Variants in RAB37 observed in about 807,000 individuals in gnomAD.
RAB37 encodes RAB37, member RAS oncogene family.
Under a neutral mutation model 33.1 loss-of-function variants are expected in RAB37, and 29 were observed. That is an observed-to-expected ratio of 0.88 (90% CI 0.65 to 1.20). The LOEUF is 1.20. Ranked by LOEUF, RAB37 falls within the 50% of genes most tolerant of loss-of-function variation. The probability of loss-of-function intolerance (pLI) is 0.00; values close to 1 mark genes in which losing one functional copy is unlikely to be tolerated. For missense variants in RAB37, 299 were observed against 301.1 expected, an observed-to-expected ratio of 0.99 and a Z score of 0.05; for synonymous variants, 128 against 119.5, an observed-to-expected ratio of 1.07 and a Z score of -0.47.
At chr17:74,699,325 G>C (rs2032819938) in intron 1 of RAB37, among the ~76,000 whole-genome samples, 1 of 152,072 alleles carries the variant, frequency 6.6e-6, no homozygotes, top group South Asian at 2.1e-4. Flanking sequence ...AACACCTCCT[G>C]CCTCTACACC....
At chr17:74,711,444 T>TA (rs774857219) in intron 1 of RAB37, among the ~76,000 whole-genome samples, 89 of 152,330 alleles carry the variant, frequency 5.8e-4, no homozygotes, top group Non-Finnish European at 5.3e-4. Context: ...CTTCTCCACT[T>TA]ACATGCTGAA....
intron 1 of RAB37, among the ~76,000 whole-genome samples, chr17:74,692,713 C>T (rs1195458863): frequency 6.6e-6 from 1 of 152,106 alleles, no homozygotes; most frequent in Non-Finnish European, 1.5e-5. Flanking sequence ...GACATCGTAG[C>T]CCCTCATCTC....
chr17:74,714,429 ACACACG>A (rs1377120979), intron 1 of RAB37, among the ~76,000 whole-genome samples: 2 of 151,152 alleles, frequency 1.3e-5, no homozygotes, highest in Non-Finnish European at 2.9e-5. Context: ...ACACACACAC[ACACACG>A]CACGCACAGA....
Position 74,743,191 on chromosome 17 carries a change from T to C in RAB37, c.309T>C (p.Ala103=), listed in dbSNP as rs1322870356. Reference sequence around the variant, plus strand: ...TCACCCATGCTTATTACAGAGATGCTCAGGGTGAGTCCCTCGCACCCTCCA... The same window carrying C: ...TCACCCATGCTTATTACAGAGATGCCCAGGGTGAGTCCCTCGCACCCTCCA... ...RSVTHAYYRD[A]QALLLLYDIT... is the part of the protein sequence containing the mutation. Residue 103 remains alanine (A), a synonymous_variant, in exon 4 of 9, where the codon GCT becomes GCC. Transcript: ENST00000392613. The C allele has an allele frequency of 6.2e-7, 1 of 1,613,860 alleles. No individual in the cohort carries two copies. The highest frequency in any genetic ancestry group is 2.2e-5 in the East Asian group (1 of 44,866).
intron 1 of RAB37, chr17:74,703,110 G>A (rs1328439750): frequency 1.2e-6 from 2 of 1,613,928 alleles, no homozygotes; most frequent in Non-Finnish European, 1.7e-6. Context: ...TGTAAACGTA[G>A]TGGAGGTAGG....
intron 1 of RAB37, among the ~76,000 whole-genome samples, chr17:74,710,656 C>T (rs1039200524): frequency 3.3e-4 from 49 of 149,826 alleles, no homozygotes; most frequent in African/African-American, 1.1e-3. Flanking sequence ...GTCAGGAGTT[C>T]GAGACCAGCC....
At chr17:74,732,023 CAA>C (rs143322617) in intron 2 of RAB37, among the ~76,000 whole-genome samples, 1 of 139,758 alleles carries the variant, frequency 7.2e-6, no homozygotes. Context: ...ACAACAACAA[CAA>C]AAAAAAAAAA....
intron 1 of RAB37, chr17:74,712,772 C>T (rs1210085875): frequency 3.1e-6 from 5 of 1,605,830 alleles, no homozygotes; most frequent in Admixed American, 1.7e-5. Flanking sequence ...CTCTCAGCCA[C>T]CTCCTCCTGC....
intron 1 of RAB37, chr17:74,703,152 G>T: frequency 6.2e-7 from 1 of 1,609,632 alleles, no homozygotes; most frequent in African/African-American, 1.3e-5. Flanking sequence ...CGCTGTAGTT[G>T]ATGCTTGGTG....
intron 1 of RAB37, among the ~76,000 whole-genome samples, chr17:74,691,911 G>A (rs931314102): frequency 4.6e-5 from 7 of 150,932 alleles, no homozygotes; most frequent in African/African-American, 1.5e-4. Flanking sequence ...TGTCACCCAG[G>A]CTGGAGTGCA....
At chr17:74,690,014 C>A (rs906731752) in intron 1 of RAB37, among the ~76,000 whole-genome samples, 1 of 152,146 alleles carries the variant, frequency 6.6e-6, no homozygotes, top group African/African-American at 2.4e-5. Context: ...TGCAGTGGTA[C>A]CATCTCGGCT....
At chr17:74,700,363 T>G (rs1260557605) in intron 1 of RAB37, among the ~76,000 whole-genome samples, 1 of 152,026 alleles carries the variant, frequency 6.6e-6, no homozygotes, top group African/African-American at 2.4e-5. Context: ...ATTACGGACC[T>G]TATTCCAGTT....
At chr17:74,739,885 G>A (rs565521493) in intron 1 of RAB37, among the ~76,000 whole-genome samples, 5 of 152,160 alleles carry the variant, frequency 3.3e-5, no homozygotes, top group African/African-American at 4.8e-5. Flanking sequence ...AGTCAGGCGC[G>A]GTGGCTCACG....
At chr17:74,682,688 C>T (rs555548391) in intron 1 of RAB37, among the ~76,000 whole-genome samples, 8 of 152,232 alleles carry the variant, frequency 5.3e-5, no homozygotes, top group Admixed American at 3.3e-4. Context: ...GTGGATCACC[C>T]GAGGTCGGGA....
intron 1 of RAB37, among the ~76,000 whole-genome samples, chr17:74,711,616 G>A (rs1443780064): frequency 6.6e-6 from 1 of 152,054 alleles, no homozygotes; most frequent in African/African-American, 2.4e-5. Context: ...TTCCTCAGAC[G>A]TGCCCAGTCC....
chr17:74,696,044 C>A, intron 1 of RAB37: 1 of 1,244,522 alleles, frequency 8.0e-7, no homozygotes, highest in South Asian at 1.4e-5. Flanking sequence ...TGTTTCCAGG[C>A]CCTCAGCCCC....
At chr17:74,694,198 C>G (rs186683298) in intron 1 of RAB37, 13 of 152,288 alleles carry the variant, frequency 8.5e-5, no homozygotes, top group Middle Eastern at 6.8e-3. Flanking sequence ...AGAAGTGCCT[C>G]ATGGTTGTCA....
At chr17:74,716,489 C>T (rs1336879291) in intron 1 of RAB37, among the ~76,000 whole-genome samples, 2 of 152,198 alleles carry the variant, frequency 1.3e-5, no homozygotes, top group Non-Finnish European at 2.9e-5. Flanking sequence ...TTCCCAACCA[C>T]TTGTGCTATG....
rs1230653649 is a variant in RAB37, at chr17:74,745,472, G to T, written c.*61G>T. ...CAGGATGCAGCCTTCCCCCTCCCAGGCCTGGCTTATTCCAAGAGGCTGAGC... is the reference window on the plus strand; with the variant it reads ...CAGGATGCAGCCTTCCCCCTCCCAGTCCTGGCTTATTCCAAGAGGCTGAGC... On this transcript the variant is annotated 3_prime_UTR_variant, in exon 9 of 9. Transcript: ENST00000392613. The surrounding 1 kb of genome is among the most constrained non-coding windows in gnomAD (Gnocchi z 4.5). 4.3e-6 allele frequency: 6 copies of T among 1,398,738 alleles called. No homozygotes were observed. Among genetic ancestry groups the T allele is most frequent in the Non-Finnish European group, 6.1e-6 (6 of 986,920 alleles). 86.6% of individuals were successfully genotyped at this position (1,398,738 alleles called of 1,614,324 possible).
Sources: allele counts gnomAD v4.1 joint callset (sites outside exome capture counted in the v4.1 genomes callset), GRCh38; gene constraint gnomAD v4.1.1; non-coding constraint Gnocchi (gnomAD v3.1); transcripts MANE v1.5; gene names NCBI Gene and HGNC (gene_info 2026-07-23, HGNC 2026-07-21).